Variants in EP300 observed in about 807,000 individuals in gnomAD.
EP300 encodes EP300 lysine acetyltransferase, also known as histone acetyltransferase p300.
Under a neutral mutation model 264.0 loss-of-function variants are expected in EP300, and 31 were observed. That is an observed-to-expected ratio of 0.12 (90% CI 0.09 to 0.16). The LOEUF (loss-of-function observed/expected upper bound fraction) is 0.16. EP300 is among the 10% of genes least tolerant of loss of function. The probability of loss-of-function intolerance (pLI) is 1.00; values close to 1 mark genes in which losing one functional copy is unlikely to be tolerated. For synonymous variants in EP300, 1,340 were observed against 1,045.4 expected (o/e 1.28, Z -5.44); for missense variants, 2,766 against 3,052.9 (o/e 0.91, Z 2.21).
intron 1 of EP300, among the ~76,000 whole-genome samples, chr22:41,100,145 G>A (rs545381012): frequency 1.3e-4 from 20 of 152,260 alleles, no homozygotes; most frequent in African/African-American, 4.8e-4. Flanking sequence ...AAGGTGTGAG[G>A]ATCTCTTGAG....
At position 41,137,641 on chromosome 22, in the gene EP300, C is replaced by A. The variant is rs768007519; in HGVS notation, c.1623-12C>A. Reference sequence around the variant, plus strand: ...TTCTTCACTAAAACTATTTGGTGACCCCTTTTTGAAGCCCAATGATGAGTG... The same window carrying A: ...TTCTTCACTAAAACTATTTGGTGACACCTTTTTGAAGCCCAATGATGAGTG... On this transcript the variant is annotated splice_polypyrimidine_tract_variant and intron_variant, in intron 7 of 30. Coordinates refer to ENST00000263253, the MANE Select transcript of EP300 (RefSeq NM_001429.4). 19 of 1,613,966 alleles carry A rather than the reference C, an allele frequency of 1.2e-5. No individual in the cohort carries two copies. Among genetic ancestry groups the A allele is most frequent in the Admixed American group, 6.7e-5 (4 of 59,976 alleles).
chr22:41,178,454 C>T lies in EP300; in HGVS notation c.6743C>T (p.Ala2248Val), dbSNP rs750553966. The T allele has an allele frequency of 6.2e-7, 1 of 1,614,100 alleles. No individual in the cohort carries two copies. ...GGACAGATAGGCCAGCTTCCCCAGG[C>T]CTTGGGAGCAGAGGCAGGTGCCAGT... ...NMGQIGQLPQ[A>V]LGAEAGASLQ... Residue 2248 changes from alanine to valine, a missense_variant, in exon 31 of 31, where the codon GCC (alanine) becomes GTC (valine). Transcript: ENST00000263253.
rs1569124046 is a variant in EP300, at chr22:41,179,879, CTCACA to C, written c.*924_*928del. On this transcript the variant is annotated 3_prime_UTR_variant, in exon 31 of 31. Coordinates refer to ENST00000263253, the MANE Select transcript of EP300 (RefSeq NM_001429.4). ...TTCTTCCTCCTTACCCTACCCCCCACTCACACACACACACACACACACACACACAC... is the reference window on the plus strand; with the variant it reads ...TTCTTCCTCCTTACCCTACCCCCCACCACACACACACACACACACACACAC... The C allele has an allele frequency of 0.045, 6,243 of 138,522 alleles. 642 individuals carry two copies. The highest frequency in any genetic ancestry group is 0.058 in the Non-Finnish European group (4,264 of 74,098). 8.6% of individuals were successfully genotyped at this position (138,522 alleles called of 1,614,324 possible).
At chr22:41,136,809 C>T (rs576205456) in intron 7 of EP300, among the ~76,000 whole-genome samples, 3 of 152,076 alleles carry the variant, frequency 2.0e-5, no homozygotes, top group Non-Finnish European at 2.9e-5. Flanking sequence ...CCTGTAATCC[C>T]AGCACTTTGG....
chr22:41,168,516 T>C lies in EP300; in HGVS notation c.3942T>C (p.Asn1314=). The C allele has an allele frequency of 6.2e-7, 1 of 1,614,192 alleles. No individual in the cohort carries two copies. The highest frequency in any genetic ancestry group is 1.3e-5 in the African/African-American group (1 of 75,052). Reference sequence around the variant, plus strand: ...TGAATGACTTTCTGAGGCGACAGAATCACCCTGAGTCAGGAGAGGTCACTG... The same window carrying C: ...TGAATGACTTTCTGAGGCGACAGAACCACCCTGAGTCAGGAGAGGTCACTG... ...NRVNDFLRRQ[N]HPESGEVTVR... The change falls in exon 24 of 31, where the codon AAT becomes AAC. Residue 1314 remains asparagine (N), a synonymous_variant. Coordinates refer to ENST00000263253, the MANE Select transcript of EP300 (RefSeq NM_001429.4).
In EP300 at chr22:41,177,853, C is replaced by A. The variant is rs766361391; in HGVS notation, c.6142C>A (p.Gln2048Lys). Residue 2048 changes from glutamine (Q) to lysine (K), a missense_variant, in exon 31 of 31, where the codon CAA becomes AAA. Transcript: ENST00000263253. ...ISPLKPGTVS[Q>K]QALQNLLRTL... The stretch of plus-strand genomic sequence containing the variant: ...CCCACTCAAACCAGGCACTGTGTCT[C>A]AACAAGCCTTACAAAACCTTTTGCG... 1 of 1,614,174 alleles carries A rather than the reference C, an allele frequency of 6.2e-7. No individual in the cohort carries two copies. The highest frequency in any genetic ancestry group is 8.5e-7 in the Non-Finnish European group (1 of 1,180,022).
intron 10 of EP300, among the ~76,000 whole-genome samples, chr22:41,145,171 G>A (rs536724930): frequency 1.3e-5 from 2 of 152,186 alleles, no homozygotes; most frequent in African/African-American, 2.4e-5. Context: ...GATAGTGTGC[G>A]TGAATACAGA....
At chr22:41,134,105 T>C (rs2058935717) in intron 6 of EP300, among the ~76,000 whole-genome samples, 2 of 152,018 alleles carry the variant, frequency 1.3e-5, no homozygotes, top group South Asian at 4.1e-4. Flanking sequence ...TTCTTTAGAT[T>C]CTTCATTCCT....
chr22:41,141,665 C>CTTTTTTTTTTTT (rs77123676), intron 10 of EP300, among the ~76,000 whole-genome samples: 3 of 146,120 alleles, frequency 2.1e-5, no homozygotes, highest in Non-Finnish European at 1.5e-5. Flanking sequence ...TCTAGGAACT[C>CTTTTTTTTTTTT]TTTTTTTTTT....
At position 41,152,193 on chromosome 22, in the gene EP300, C is replaced by G. The variant is rs201289885; in HGVS notation, c.2998-13C>G. 5.6e-6 allele frequency: 9 copies of G among 1,613,178 alleles called. No individual in the cohort carries two copies. The highest frequency in any genetic ancestry group is 1.1e-5 in the South Asian group (1 of 91,056). Reference sequence around the variant, plus strand: ...ATCTTTGGAATACTAAAAATTCTTACGTTTTCTTTTAGTCTAAAGTGGAAG... The same window carrying G: ...ATCTTTGGAATACTAAAAATTCTTAGGTTTTCTTTTAGTCTAAAGTGGAAG... On this transcript the variant is annotated splice_polypyrimidine_tract_variant and intron_variant, in intron 15 of 30. Coordinates refer to ENST00000263253, the MANE Select transcript of EP300 (RefSeq NM_001429.4).
rs957845126 is a variant in EP300, at chr22:41,179,149, G to T, written c.*193G>T. Reference sequence around the variant, plus strand: ...AACCTGAGGGATGATAGAATACAAAGAATATATTTTTGTTATGGCTGGTTA... The same window carrying T: ...AACCTGAGGGATGATAGAATACAAATAATATATTTTTGTTATGGCTGGTTA... On this transcript the variant is annotated 3_prime_UTR_variant, in exon 31 of 31. Coordinates refer to ENST00000263253, the MANE Select transcript of EP300 (RefSeq NM_001429.4). 15 of 650,190 alleles carry T rather than the reference G, an allele frequency of 2.3e-5. No homozygotes were observed. Among genetic ancestry groups the T allele is most frequent in the Admixed American group, 1.2e-4 (4 of 33,902 alleles). The allele number at this position is 650,190 out of a possible 1,614,324, so 40.3% of individuals were successfully genotyped here.
intron 1 of EP300, among the ~76,000 whole-genome samples, chr22:41,106,209 A>C (rs1191965085): frequency 1.3e-5 from 2 of 152,188 alleles, no homozygotes; most frequent in Non-Finnish European, 2.9e-5. Context: ...TACAGTTTTA[A>C]AATTTCATGC....
intron 1 of EP300, among the ~76,000 whole-genome samples, chr22:41,107,422 T>TAAA (rs35343837): frequency 9.5e-5 from 14 of 147,440 alleles, no homozygotes; most frequent in Non-Finnish European, 1.5e-4. Context: ...GCCTTTTAAG[T>TAAA]AAAAAAAAAA....
chr22:41,126,081 T>G, intron 3 of EP300, 41 bp downstream of exon 3: 3 of 1,597,782 alleles, frequency 1.9e-6, no homozygotes, highest in Non-Finnish European at 2.6e-6. Context: ...CAAACTGGCA[T>G]TTTGACAAAA....
intron 10 of EP300, 92 bp from the exon 11 acceptor site, chr22:41,146,640 TATTATTA>T: frequency 1.0e-6 from 1 of 980,886 alleles, no homozygotes; most frequent in Non-Finnish European, 1.6e-6. Context: ...TTTTCAAAGG[TATTATTA>T]AAAATATTTT....
At chr22:41,172,441 A>G in intron 27 of EP300, 58 bp from the exon 28 acceptor site, 3 of 1,443,100 alleles carry the variant, frequency 2.1e-6, no homozygotes, top group East Asian at 2.3e-5. Flanking sequence ...ATTATTCTGT[A>G]TAATCAATGC....
chr22:41,092,639 C>T lies in EP300; in HGVS notation c.-366C>T, dbSNP rs2058678678. 1.6e-6 allele frequency: 1 copy of T among 631,774 alleles called. No homozygotes were observed. The highest frequency in any genetic ancestry group is 2.9e-6 in the Non-Finnish European group (1 of 348,952). 39.1% of individuals were successfully genotyped at this position (631,774 alleles called of 1,614,324 possible). On this transcript the variant is annotated 5_prime_UTR_variant, in exon 1 of 31. Transcript: ENST00000263253. ...AGGAGGAAGAGGTTGATGGCGGCGG[C>T]GGAGCTCCGAGAGACCTCGGCTGGG...
chr22:41,151,174 C>A (rs895461124), intron 14 of EP300, among the ~76,000 whole-genome samples: 1 of 152,088 alleles, frequency 6.6e-6, no homozygotes, highest in East Asian at 1.9e-4. Flanking sequence ...GAGTCACAGC[C>A]GTTTTATAAA....
chr22:41,134,163 C>CTTTTTTTTTTT (rs11362436), intron 6 of EP300, among the ~76,000 whole-genome samples: 68 of 105,512 alleles, frequency 6.4e-4, no homozygotes, highest in African/African-American at 9.4e-4. Context: ...TCATTCTTTT[C>CTTTTTTTTTTT]TTTTTTTTTT....
Sources: allele counts gnomAD v4.1 joint callset (sites outside exome capture counted in the v4.1 genomes callset), GRCh38; gene constraint gnomAD v4.1.1; transcripts MANE v1.5; gene names NCBI Gene and HGNC (gene_info 2026-07-23, HGNC 2026-07-21).